Variants in MLIP observed in about 807,000 individuals in gnomAD.
MLIP encodes muscular LMNA-interacting protein.
MLIP carries 79 observed loss-of-function variants against 84.8 expected under a neutral mutation model. That is an observed-to-expected ratio of 0.93 (90% CI 0.78 to 1.12). MLIP has a LOEUF of 1.12. MLIP is among the 50% of genes most tolerant of loss of function. The pLI is 0.00. For missense variants in MLIP, 1,257 were observed against 1,160.6 expected, an observed-to-expected ratio of 1.08 and a Z score of -1.21; for synonymous variants, 504 against 463.0, an observed-to-expected ratio of 1.09 and a Z score of -1.14.
At chr6:54,249,767 A>C (rs542579031) in intron 12 of MLIP, among the ~76,000 whole-genome samples, 54 of 152,046 alleles carry the variant, frequency 3.6e-4, no homozygotes, top group Non-Finnish European at 6.3e-4. Flanking sequence ...ATATATATAC[A>C]CATGTATACA....
intron 9 of MLIP, among the ~76,000 whole-genome samples, chr6:54,176,047 T>C (rs1344388660): frequency 6.6e-6 from 1 of 152,108 alleles, no homozygotes; most frequent in Non-Finnish European, 1.5e-5. Flanking sequence ...TTTGCATATG[T>C]TAAACCATCA....
At chr6:54,091,482 G>A (rs1432117141) in intron 1 of MLIP, among the ~76,000 whole-genome samples, 2 of 152,150 alleles carry the variant, frequency 1.3e-5, no homozygotes, top group Non-Finnish European at 1.5e-5. Flanking sequence ...AATTGAAGAT[G>A]GGATGAAATG....
chr6:54,128,705 C>T (rs2150458341), intron 3 of MLIP, among the ~76,000 whole-genome samples: 1 of 152,078 alleles, frequency 6.6e-6, no homozygotes, highest in East Asian at 1.9e-4. Context: ...GTGGGAAAAC[C>T]AAAATGAGAT....
chr6:54,120,123 A>G (rs1770305564), intron 1 of MLIP, among the ~76,000 whole-genome samples: 1 of 152,210 alleles, frequency 6.6e-6, no homozygotes, highest in African/African-American at 2.4e-5. Flanking sequence ...CTTCTCATGC[A>G]AACTTCTTAA....
chr6:54,118,649 G>A (rs529564203), intron 1 of MLIP, among the ~76,000 whole-genome samples: 1 of 152,152 alleles, frequency 6.6e-6, no homozygotes, highest in Admixed American at 6.5e-5. Flanking sequence ...AGCAAAAAAA[G>A]CAAAAATTGA....
At chr6:54,122,927 T>C (rs539536011) in intron 2 of MLIP, among the ~76,000 whole-genome samples, 118 of 151,860 alleles carry the variant, frequency 7.8e-4, no homozygotes, top group African/African-American at 2.9e-3. Context: ...TCCTCATTCA[T>C]TTATATTCTT....
intron 1 of MLIP, among the ~76,000 whole-genome samples, chr6:54,113,105 G>A (rs1769608677): frequency 6.6e-6 from 1 of 152,122 alleles, no homozygotes; most frequent in Non-Finnish European, 1.5e-5. Flanking sequence ...TAACCATGGG[G>A]TGCTTATAAT....
chr6:54,177,734 C>T (rs1392975790), intron 9 of MLIP, among the ~76,000 whole-genome samples: 2 of 152,126 alleles, frequency 1.3e-5, no homozygotes, highest in East Asian at 1.9e-4. Flanking sequence ...GTTATAAAGA[C>T]ATATGCAAGT....
At chr6:54,118,263 A>T (rs184767651) in intron 1 of MLIP, among the ~76,000 whole-genome samples, 2 of 152,374 alleles carry the variant, frequency 1.3e-5, no homozygotes, top group East Asian at 3.9e-4. Flanking sequence ...CTGAATTCAC[A>T]GTATACTACT....
At chr6:54,161,932 A>G (rs953992853) in intron 8 of MLIP, among the ~76,000 whole-genome samples, 2 of 151,922 alleles carry the variant, frequency 1.3e-5, no homozygotes, top group African/African-American at 2.4e-5. Flanking sequence ...TTGAACATGT[A>G]AAAGACCTGT....
At chr6:54,141,045 C>T (rs1196206278) in intron 4 of MLIP, among the ~76,000 whole-genome samples, 1 of 152,008 alleles carries the variant, frequency 6.6e-6, no homozygotes, top group Non-Finnish European at 1.5e-5. Context: ...AACATGAGTG[C>T]TTGGAGGATA....
At chr6:54,262,733 A>G (rs946280993) in intron 13 of MLIP, among the ~76,000 whole-genome samples, 19 of 152,198 alleles carry the variant, frequency 1.2e-4, no homozygotes, top group Middle Eastern at 3.4e-3. Context: ...ATTTGTATAC[A>G]TTTCAAAGAG....
At chr6:54,077,208 T>C (rs1298302178) in intron 1 of MLIP, among the ~76,000 whole-genome samples, 1 of 152,212 alleles carries the variant, frequency 6.6e-6, no homozygotes, top group Non-Finnish European at 1.5e-5. Flanking sequence ...ATCAGTCCCC[T>C]TGACTGTTGG....
intron 12 of MLIP, among the ~76,000 whole-genome samples, chr6:54,233,000 C>T (rs747178826): frequency 4.6e-5 from 7 of 152,290 alleles, no homozygotes; most frequent in Non-Finnish European, 8.8e-5. Flanking sequence ...TGTCCTAAAT[C>T]TTCACCTTAA....
intron 12 of MLIP, among the ~76,000 whole-genome samples, chr6:54,250,577 A>C (rs1782404495): frequency 6.6e-6 from 1 of 152,132 alleles, no homozygotes; most frequent in Admixed American, 6.6e-5. Context: ...CATATTTAAC[A>C]GTGTTCATTC....
At chr6:54,164,734 C>T (rs1775005577) in intron 8 of MLIP, among the ~76,000 whole-genome samples, 1 of 151,846 alleles carries the variant, frequency 6.6e-6, no homozygotes, top group African/African-American at 2.4e-5. Flanking sequence ...GTCACTTTAG[C>T]CTCTACTTAG....
chr6:54,074,077 T>G (rs1251643344), intron 1 of MLIP, among the ~76,000 whole-genome samples: 1 of 152,260 alleles, frequency 6.6e-6, no homozygotes, highest in Non-Finnish European at 1.5e-5. Flanking sequence ...AGCCGCATTT[T>G]GTTGGGTAAT....
At chr6:54,123,024 C>G (rs1280938) in intron 2 of MLIP, among the ~76,000 whole-genome samples, 1 of 152,082 alleles carries the variant, frequency 6.6e-6, no homozygotes, top group Admixed American at 6.5e-5. Flanking sequence ...CTCCGCCTCC[C>G]GGGTTCACTC....
rs567294312 is a variant in MLIP at position 54,145,608 on chromosome 6, C to CA, written c.2218-3440dup. Among the ~76,000 whole-genome samples the CA allele has an allele frequency of 4.5e-3, 668 of 149,056 alleles. 9 individuals are homozygous for CA. Among genetic ancestry groups the CA allele is most frequent in the African/African-American group, 0.015 (602 of 40,858 alleles). On this transcript the variant is annotated intron_variant, in intron 4 of 13. Transcript: ENST00000502396. The stretch of plus-strand genomic sequence containing the variant: ...ACACCATGGTAAGAACCCATCTCTA[C>CA]AAAAAAAATAAAAAAAAATTAGCTG...
Sources: gnomAD v4.1 joint callset for allele counts (sites outside exome capture counted in the v4.1 genomes callset) on GRCh38, gnomAD v4.1.1 for gene constraint, MANE v1.5 for transcripts, NCBI Gene and HGNC (gene_info 2026-07-23, HGNC 2026-07-21) for gene names.